SRPK2: variants seen among roughly 807,000 people sequenced by gnomAD.
SRPK2 encodes the protein SRSF protein kinase 2.
A neutral mutation model predicts 90.8 loss-of-function variants in SRPK2; 21 were observed. The ratio of observed to expected loss-of-function variants is 0.23; its 90% confidence interval spans 0.16 to 0.33. SRPK2 has a LOEUF of 0.33. Among genes scored for constraint, SRPK2 ranks in the 10% least tolerant of loss-of-function variants. SRPK2 has a pLI of 1.00. For synonymous variants in SRPK2, 288 were observed against 311.1 expected, an observed-to-expected ratio of 0.93 and a Z score of 0.78; for missense variants, 620 against 869.0, an observed-to-expected ratio of 0.71 and a Z score of 3.60.
intron 2 of SRPK2, among the ~76,000 whole-genome samples, chr7:105,340,399 CTT>C (rs781142110): frequency 8.6e-5 from 11 of 128,292 alleles, no homozygotes; most frequent in East Asian, 2.1e-4. Context: ...CTTTTCTCTC[CTT>C]TTTTTTTTTT....
intron 2 of SRPK2, among the ~76,000 whole-genome samples, chr7:105,320,734 A>C (rs1812842878): frequency 6.6e-6 from 1 of 152,184 alleles, no homozygotes; most frequent in African/African-American, 2.4e-5. Flanking sequence ...TTTATGCCGA[A>C]GGTTGCAAAC....
At chr7:105,355,270 A>C (rs1817648409) in intron 2 of SRPK2, among the ~76,000 whole-genome samples, 1 of 151,862 alleles carries the variant, frequency 6.6e-6, no homozygotes, top group African/African-American at 2.4e-5. Context: ...CCACAGCAGG[A>C]GGAGTGCTAG....
chr7:105,297,339 T>C (rs1809957671), intron 2 of SRPK2: 1 of 389,144 alleles, frequency 2.6e-6, no homozygotes, highest in Admixed American at 6.4e-5. Flanking sequence ...CTGTGGTCCA[T>C]AAATCACAGT....
intron 2 of SRPK2, among the ~76,000 whole-genome samples, chr7:105,318,219 A>C (rs983615253): frequency 6.6e-6 from 1 of 152,184 alleles, no homozygotes; most frequent in East Asian, 1.9e-4. Flanking sequence ...CTCAGTCTCC[A>C]AAGTAGCTGG....
At chr7:105,226,620 C>T (rs1031707086) in intron 2 of SRPK2, among the ~76,000 whole-genome samples, 25 of 152,030 alleles carry the variant, frequency 1.6e-4, no homozygotes, top group African/African-American at 4.6e-4. Context: ...ATCCAAGCCA[C>T]GCATACCAAA....
intron 2 of SRPK2, among the ~76,000 whole-genome samples, chr7:105,371,746 C>T (rs1585936684): frequency 6.6e-6 from 1 of 151,998 alleles, no homozygotes; most frequent in East Asian, 1.9e-4. Context: ...TGCTATAATG[C>T]TAACTGTTTA....
chr7:105,237,805 T>C (rs1054605358), intron 2 of SRPK2, among the ~76,000 whole-genome samples: 2 of 152,170 alleles, frequency 1.3e-5, no homozygotes, highest in Non-Finnish European at 2.9e-5. Flanking sequence ...CCAGGGCAAT[T>C]AACTCAAGAT....
At chr7:105,337,878 G>A (rs999849776) in intron 2 of SRPK2, among the ~76,000 whole-genome samples, 1 of 151,980 alleles carries the variant, frequency 6.6e-6, no homozygotes, top group African/African-American at 2.4e-5. Flanking sequence ...AAATATGTAA[G>A]GGAGAAATAA....
At chr7:105,149,341 T>C (rs778222326) in intron 7 of SRPK2, among the ~76,000 whole-genome samples, 1 of 152,206 alleles carries the variant, frequency 6.6e-6, no homozygotes, top group Admixed American at 6.5e-5. Context: ...CTGGTGTACG[T>C]GCACGTCCAG....
intron 7 of SRPK2, among the ~76,000 whole-genome samples, chr7:105,149,156 G>A (rs1381552044): frequency 6.6e-6 from 1 of 152,138 alleles, no homozygotes; most frequent in Non-Finnish European, 1.5e-5. Flanking sequence ...GAAGGCCACT[G>A]TCTCCTGCCT....
chr7:105,205,972 G>T (rs1180239087), intron 2 of SRPK2: 1 of 518,846 alleles, frequency 1.9e-6, no homozygotes, highest in Non-Finnish European at 3.8e-6. Context: ...GAAACTACTT[G>T]AAGAAAAGAC....
At chr7:105,281,271 A>AT (rs1164444318) in intron 2 of SRPK2, among the ~76,000 whole-genome samples, 1 of 151,602 alleles carries the variant, frequency 6.6e-6, no homozygotes, top group Non-Finnish European at 1.5e-5. Flanking sequence ...TAATTTTTGT[A>AT]TTTTTAGTAG....
At chr7:105,190,243 A>C (rs1794110982) in intron 3 of SRPK2, among the ~76,000 whole-genome samples, 1 of 152,220 alleles carries the variant, frequency 6.6e-6, no homozygotes, top group Admixed American at 6.5e-5. Flanking sequence ...GACTGCAAGT[A>C]TGACTGCCCA....
intron 4 of SRPK2, among the ~76,000 whole-genome samples, 175 bp from the exon 5 acceptor site, chr7:105,168,270 C>G (rs1197708578): frequency 6.6e-6 from 1 of 152,200 alleles, no homozygotes; most frequent in East Asian, 1.9e-4. Flanking sequence ...CCTCTGACTG[C>G]AATCAAAACT....
At chr7:105,137,301 G>A (rs1356672552) in intron 11 of SRPK2, among the ~76,000 whole-genome samples, 1 of 152,218 alleles carries the variant, frequency 6.6e-6, no homozygotes, top group Non-Finnish European at 1.5e-5. Flanking sequence ...TGGAGAGTTT[G>A]TCAGCTTCAG....
intron 2 of SRPK2, among the ~76,000 whole-genome samples, chr7:105,300,008 T>C (rs1810332457): frequency 6.6e-6 from 1 of 152,046 alleles, no homozygotes; most frequent in African/African-American, 2.4e-5. Context: ...TAATAAATAT[T>C]TAACAGAGAA....
rs909460900 is a variant in SRPK2 at position 105,388,897 on chromosome 7, C to T, written c.-91G>A. On this transcript the variant is annotated 5_prime_UTR_variant, in exon 1 of 16. Transcript: ENST00000393651. ...CTGCAGCCTCCACTCGCTCCGCCGGCCGGGAGGAGACGAGAACCGCGCCTG... is the reference window on the plus strand; with the variant it reads ...CTGCAGCCTCCACTCGCTCCGCCGGTCGGGAGGAGACGAGAACCGCGCCTG... 59 of 1,237,570 alleles carry T rather than the reference C, an allele frequency of 4.8e-5. No individual in the cohort carries two copies. The highest frequency in any genetic ancestry group is 5.9e-5 in the Non-Finnish European group (59 of 993,530). The allele number at this position is 1,237,570 out of a possible 1,614,324, so 76.7% of individuals were successfully genotyped here.
At chr7:105,292,089 G>A (rs1177333372) in intron 2 of SRPK2, among the ~76,000 whole-genome samples, 1 of 152,016 alleles carries the variant, frequency 6.6e-6, no homozygotes, top group African/African-American at 2.4e-5. Flanking sequence ...AAATACACAT[G>A]AGCCTCAGCT....
At chr7:105,342,094 T>A (rs946653291) in intron 2 of SRPK2, among the ~76,000 whole-genome samples, 1 of 151,080 alleles carries the variant, frequency 6.6e-6, no homozygotes, top group Non-Finnish European at 1.5e-5. Context: ...TGAAACCCCA[T>A]CTCTACTAAA....
Sources: gnomAD v4.1 joint callset for allele counts (sites outside exome capture counted in the v4.1 genomes callset) on GRCh38, gnomAD v4.1.1 for gene constraint, MANE v1.5 for transcripts, NCBI Gene and HGNC (gene_info 2026-07-23, HGNC 2026-07-21) for gene names.